Variants in MEGF11 observed in about 807,000 individuals in gnomAD.
MEGF11 encodes the protein multiple epidermal growth factor-like domains protein 11.
MEGF11 carries 126 observed loss-of-function variants against 146.6 expected under a neutral mutation model. That is an observed-to-expected ratio of 0.86 (90% confidence interval 0.74 to 1.00). The LOEUF is 1.00. MEGF11 is among the 50% of genes least tolerant of loss of function. The pLI is 0.00. For missense variants in MEGF11, 1,509 were observed against 1,521.2 expected, an observed-to-expected ratio of 0.99 and a Z score of 0.13; for synonymous variants, 532 against 583.4, an observed-to-expected ratio of 0.91 and a Z score of 1.27.
At chr15:66,078,762 C>A (rs1470701463) in intron 5 of MEGF11, among the ~76,000 whole-genome samples, 13 of 152,104 alleles carry the variant, frequency 8.5e-5, no homozygotes, top group Admixed American at 8.5e-4. Flanking sequence ...GCCAGCTGGG[C>A]TCCCGCCACT....
chr15:66,031,227 G>A (rs914332743), intron 5 of MEGF11, among the ~76,000 whole-genome samples: 6 of 152,128 alleles, frequency 3.9e-5, no homozygotes, highest in Admixed American at 2.6e-4. Flanking sequence ...CTAGGTACCC[G>A]CTAATTAACA....
Position 66,079,544 on chromosome 15 carries a change from C to G in MEGF11, c.394+14858G>C, listed in dbSNP as rs1033275726. ...CTGGGAACCTTCATTCACACCCCCC[C>G]CCCCAGCACCCCCGCCAAAACTCAG... On this transcript the variant is annotated intron_variant, in intron 5 of 25. Coordinates refer to ENST00000395614, the MANE Select transcript of MEGF11 (RefSeq NM_001385028.1). Among the ~76,000 whole-genome samples the G allele has an allele frequency of 7.0e-4, 100 of 143,722 alleles. 1 individual carries two copies. The highest frequency in any genetic ancestry group is 3.7e-3 in the Admixed American group (54 of 14,648). 94.3% of individuals were successfully genotyped at this position (143,722 alleles called of 152,430 possible).
intron 1 of MEGF11, among the ~76,000 whole-genome samples, chr15:66,157,922 G>A (rs560143436): frequency 1.3e-5 from 2 of 152,210 alleles, no homozygotes; most frequent in South Asian, 2.1e-4. Flanking sequence ...TTGAATATAC[G>A]TGCCAACCTC....
At chr15:66,157,038 C>T (rs904951530) in intron 1 of MEGF11, among the ~76,000 whole-genome samples, 2 of 152,190 alleles carry the variant, frequency 1.3e-5, no homozygotes, top group Non-Finnish European at 2.9e-5. Context: ...CAGACCACCA[C>T]TCCTCCTAAA....
chr15:66,249,037 C>A (rs1313685041), intron 1 of MEGF11, among the ~76,000 whole-genome samples: 1 of 152,202 alleles, frequency 6.6e-6, no homozygotes, highest in African/African-American at 2.4e-5. Flanking sequence ...TGTGCTGTTA[C>A]ATTTACCAGG....
chr15:66,173,163 C>T (rs913988602), intron 1 of MEGF11, among the ~76,000 whole-genome samples: 2 of 152,158 alleles, frequency 1.3e-5, no homozygotes, highest in Admixed American at 6.5e-5. Flanking sequence ...TATTTGTCCC[C>T]TCAGGCAACA....
chr15:66,124,025 G>GC, intron 2 of MEGF11, 25 bp from the exon 3 acceptor site: 1 of 1,563,194 alleles, frequency 6.4e-7, no homozygotes, highest in Non-Finnish European at 8.8e-7. Context: ...GGAGATAGGA[G>GC]CCATGATTAG....
rs60006667 is a variant in MEGF11 at position 66,201,778 on chromosome 15, CAA to C, written c.-9+51825_-9+51826del. ...GTGAAACCCTGTTTACTAAAAATCC[CAA>C]AAAAAAAAAAAAAAAAATTAACCAG... On this transcript the variant is annotated intron_variant, in intron 1 of 25. Transcript: ENST00000395614. Among the ~76,000 whole-genome samples the C allele has an allele frequency of 1.3e-4, 13 of 99,176 alleles. 1 individual carries two copies. Among genetic ancestry groups the C allele is most frequent in the Admixed American group, 3.1e-4 (3 of 9,560 alleles). The allele number at this position is 99,176 out of a possible 152,430, so 65.1% of individuals were successfully genotyped here. A position where few individuals can be genotyped will look rare whatever the true frequency, so the allele number is the denominator to read the frequency against.
chr15:65,934,206 A>G (rs2079682953), intron 10 of MEGF11, among the ~76,000 whole-genome samples: 1 of 151,972 alleles, frequency 6.6e-6, no homozygotes, highest in Non-Finnish European at 1.5e-5. Context: ...CTGCCAAGCA[A>G]CTCCTGGAAT....
chr15:65,980,395 C>CATT (rs1251874696), intron 7 of MEGF11, among the ~76,000 whole-genome samples: 4 of 88,184 alleles, frequency 4.5e-5, no homozygotes, highest in Admixed American at 1.6e-4. Flanking sequence ...AAGAATTCAG[C>CATT]TTTTTTTTTT....
chr15:66,055,814 C>T (rs985957929), intron 5 of MEGF11, among the ~76,000 whole-genome samples: 12 of 152,112 alleles, frequency 7.9e-5, no homozygotes, highest in African/African-American at 1.7e-4. Flanking sequence ...CAACATGATT[C>T]GGGAGGCTCT....
At chr15:66,245,228 G>A (rs1439633299) in intron 1 of MEGF11, among the ~76,000 whole-genome samples, 3 of 152,164 alleles carry the variant, frequency 2.0e-5, no homozygotes, top group Non-Finnish European at 4.4e-5. Context: ...GACTGGGGAG[G>A]CAGGATGCAG....
chr15:65,964,823 G>C (rs1020137074), intron 9 of MEGF11, 85 bp downstream of exon 9: 14 of 1,293,378 alleles, frequency 1.1e-5, no homozygotes, highest in African/African-American at 1.5e-5. Context: ...CCATGCTAGA[G>C]GTGGGGGGCC....
At chr15:66,155,146 T>C (rs1463197584) in intron 1 of MEGF11, among the ~76,000 whole-genome samples, 1 of 152,262 alleles carries the variant, frequency 6.6e-6, no homozygotes, top group East Asian at 1.9e-4. Flanking sequence ...AATGAGACCC[T>C]GGCCCCTGAC....
At position 66,128,338 on chromosome 15, in the gene MEGF11, G is replaced by A. The variant is rs746506722; in HGVS notation, c.66C>T (p.Pro22=). Residue 22 remains proline (P), a synonymous_variant, in exon 2 of 26, where the codon CCC becomes CCT. Transcript: ENST00000395614. The stretch of plus-strand genomic sequence containing the variant: ...AGTGGCTGCACACGTTGGGGTCCTC[G>A]GGGTTCAGGGCAAGGGTGGCTTGCA... The part of the protein sequence containing the change: ...SFLQATLALN[P]EDPNVCSHWE... 37 of 1,524,786 alleles carry A rather than the reference G, an allele frequency of 2.4e-5. No homozygotes were observed. The highest frequency in any genetic ancestry group is 1.7e-4 in the Middle Eastern group (1 of 5,920). The allele number at this position is 1,524,786 out of a possible 1,614,324, so 94.5% of individuals were successfully genotyped here. A position where few individuals can be genotyped will look rare whatever the true frequency, so the allele number is the denominator to read the frequency against.
At chr15:66,249,589 G>A (rs2140267142) in intron 1 of MEGF11, among the ~76,000 whole-genome samples, 1 of 152,264 alleles carries the variant, frequency 6.6e-6, no homozygotes, top group Non-Finnish European at 1.5e-5. Context: ...AGGGGGAGGG[G>A]ATGTACATAG....
chr15:65,995,564 T>C (rs958890268), intron 5 of MEGF11, among the ~76,000 whole-genome samples: 4 of 152,204 alleles, frequency 2.6e-5, no homozygotes, highest in Non-Finnish European at 5.9e-5. Flanking sequence ...GAGAGCACAC[T>C]CTGAAGAGCA....
intron 6 of MEGF11, among the ~76,000 whole-genome samples, chr15:65,981,315 C>T (rs908778508): frequency 3.9e-5 from 6 of 152,144 alleles, no homozygotes; most frequent in Admixed American, 6.5e-5. Flanking sequence ...TTTAAGAATC[C>T]ACCTAGATTC....
intron 5 of MEGF11, among the ~76,000 whole-genome samples, chr15:65,988,691 A>G (rs1054648752): frequency 6.6e-6 from 1 of 152,234 alleles, no homozygotes; most frequent in African/African-American, 2.4e-5. Context: ...GCCGACCATT[A>G]CTTTTCTGCC....
Sources: allele counts gnomAD v4.1 joint callset (sites outside exome capture counted in the v4.1 genomes callset), GRCh38; gene constraint gnomAD v4.1.1; transcripts MANE v1.5; gene names NCBI Gene and HGNC (gene_info 2026-07-23, HGNC 2026-07-21).